The following ZNF423 variants were observed in gnomAD, a reference collection of about 807,000 sequenced individuals.
ZNF423 encodes the protein zinc finger protein 423, also known as Ebf-associated zinc finger protein.
ZNF423 carries 12 observed loss-of-function variants against 95.8 expected under a neutral mutation model. The observed-to-expected ratio is 0.13, with a 90% confidence interval of 0.08 to 0.20. The LOEUF (loss-of-function observed/expected upper bound fraction) is 0.20, where lower values mean the gene tolerates loss of function less well. ZNF423 is among the 10% of genes least tolerant of loss of function. The pLI, the probability that ZNF423 is intolerant of heterozygous loss-of-function variation, is 1.00. For missense variants in ZNF423, 1,316 were observed against 1,737.1 expected (o/e 0.76, Z 4.31); for synonymous variants, 749 against 711.9 (o/e 1.05, Z -0.83).
chr16:49,693,621 A>G (rs2031867548), intron 3 of ZNF423, among the ~76,000 whole-genome samples: 1 of 152,168 alleles, frequency 6.6e-6, no homozygotes, highest in African/African-American at 2.4e-5. Context: ...AGCCACAGTG[A>G]TTGGCTTAAG....
At chr16:49,705,193 T>C (rs8046573) in intron 3 of ZNF423, among the ~76,000 whole-genome samples, 7,747 of 152,200 alleles carry the variant, frequency 0.051, 646 homozygotes, top group African/African-American at 0.17. Flanking sequence ...GGAGAATTCA[T>C]TCATTCAACA....
At chr16:49,698,199 A>T (rs972377242) in intron 3 of ZNF423, among the ~76,000 whole-genome samples, 12 of 151,384 alleles carry the variant, frequency 7.9e-5, no homozygotes, top group African/African-American at 2.9e-4. Flanking sequence ...TGTTTGTAAC[A>T]TTTTTTTTTA....
chr16:49,615,583 G>C (rs1315415360), intron 5 of ZNF423, among the ~76,000 whole-genome samples: 3 of 152,182 alleles, frequency 2.0e-5, no homozygotes, highest in Non-Finnish European at 2.9e-5. Context: ...GCAGTCACAA[G>C]CTGGGAGGCC....
chr16:49,802,846 T>C (rs1228213445), intron 1 of ZNF423, among the ~76,000 whole-genome samples: 1 of 152,222 alleles, frequency 6.6e-6, no homozygotes, highest in African/African-American at 2.4e-5. Context: ...ATGAAGAAAG[T>C]AAAAGCACAA....
intron 1 of ZNF423, among the ~76,000 whole-genome samples, chr16:49,848,687 A>G (rs1426044164): frequency 2.0e-5 from 3 of 152,200 alleles, no homozygotes; most frequent in Non-Finnish European, 2.9e-5. Context: ...TTAATTTTCA[A>G]TTATTGGAGA....
chr16:49,727,666 C>T (rs1567314368), intron 3 of ZNF423, among the ~76,000 whole-genome samples: 1 of 152,194 alleles, frequency 6.6e-6, no homozygotes, highest in Non-Finnish European at 1.5e-5. Context: ...GAGGCACGTG[C>T]TGCCTCCACG....
rs1006015985 is a variant in ZNF423 at position 49,855,103 on chromosome 16, G to C, written c.40+632C>G. On this transcript the variant is annotated intron_variant, in intron 1 of 7. Transcript: ENST00000563137. This position sits in a 1 kb window ranked among gnomAD's most constrained non-coding sequence, Gnocchi z 4.7. ...GGCCTCGGTGGAGGAGGCAGGAAGTGCAGGGGCCCGGGCCGGGAGAAGGCC... is the reference window on the plus strand; with the variant it reads ...GGCCTCGGTGGAGGAGGCAGGAAGTCCAGGGGCCCGGGCCGGGAGAAGGCC... 7 of 949,364 alleles carry C rather than the reference G, an allele frequency of 7.4e-6. No individual in the cohort carries two copies. The highest frequency in any genetic ancestry group is 8.8e-6 in the Non-Finnish European group (7 of 797,820). The allele number at this position is 949,364 out of a possible 1,614,324, so 58.8% of individuals were successfully genotyped here. A position where few individuals can be genotyped will look rare whatever the true frequency, so the allele number is the denominator to read the frequency against.
upstream of ZNF423, among the ~76,000 whole-genome samples, chr16:49,858,720 C>CG (rs1313619696): frequency 8.2e-6 from 1 of 121,322 alleles, no homozygotes; most frequent in African/African-American, 3.0e-5. This position sits in a 1 kb window ranked among gnomAD's most constrained non-coding sequence, Gnocchi z 4.3. Context: ...AATAGGAGCC[C>CG]CCCCCCCCAC....
chr16:49,846,164 T>C (rs889182461), intron 1 of ZNF423, among the ~76,000 whole-genome samples: 2 of 152,042 alleles, frequency 1.3e-5, no homozygotes, highest in African/African-American at 2.4e-5. Context: ...TAGCCAGGCC[T>C]GGTGGCACAT....
At chr16:49,762,435 A>G (rs1350969802) in intron 2 of ZNF423, among the ~76,000 whole-genome samples, 1 of 152,206 alleles carries the variant, frequency 6.6e-6, no homozygotes, top group Non-Finnish European at 1.5e-5. Flanking sequence ...TTCGCAGGGC[A>G]CAAAGACCCC....
intron 3 of ZNF423, chr16:49,664,296 T>C (rs753517220): frequency 2.2e-4 from 215 of 985,582 alleles, no homozygotes; most frequent in Non-Finnish European, 2.5e-4. Context: ...GAGGGTGTGC[T>C]GCTCCCGCGG....
In ZNF423 at chr16:49,723,032, T is replaced by C. The variant is rs545905010; in HGVS notation, c.301+7739A>G. ...ATGCAGTGGTGTGATCTCGGCTCAC[T>C]GCAAGCTCCGCCTCCTGGGTTCATG... On this transcript the variant is annotated intron_variant, in intron 3 of 7. Transcript: ENST00000563137. Among the ~76,000 whole-genome samples the C allele has an allele frequency of 5.4e-5, 8 of 148,412 alleles. No individual in the cohort carries two copies. The South Asian group carries it at 1.7e-3, about 32-fold the overall frequency.
intron 1 of ZNF423, among the ~76,000 whole-genome samples, chr16:49,830,108 C>G (rs757846647): frequency 4.6e-5 from 7 of 152,274 alleles, no homozygotes; most frequent in Non-Finnish European, 1.0e-4. Context: ...AAGAGAGAGA[C>G]AGTAACAGCA....
intron 3 of ZNF423, among the ~76,000 whole-genome samples, chr16:49,680,593 C>T (rs889921190): frequency 6.6e-6 from 1 of 152,186 alleles, no homozygotes; most frequent in African/African-American, 2.4e-5. Flanking sequence ...TTCCGGACAC[C>T]ACTGCATTCC....
At chr16:49,531,420 G>A (rs1215943231) in intron 5 of ZNF423, among the ~76,000 whole-genome samples, 1 of 151,980 alleles carries the variant, frequency 6.6e-6, no homozygotes, top group Non-Finnish European at 1.5e-5. Flanking sequence ...TTGCCAGGAG[G>A]CAAGAGGGTG....
At chr16:49,796,394 C>T (rs1354916256) in intron 1 of ZNF423, among the ~76,000 whole-genome samples, 1 of 152,238 alleles carries the variant, frequency 6.6e-6, no homozygotes, top group Non-Finnish European at 1.5e-5. Context: ...GCCCTCCACC[C>T]AGAGGGCTCC....
At chr16:49,806,274 G>A (rs2034662286) in intron 1 of ZNF423, among the ~76,000 whole-genome samples, 1 of 152,232 alleles carries the variant, frequency 6.6e-6, no homozygotes. Context: ...CCAGATGAAA[G>A]TGGCAGCCTG....
At chr16:49,504,916 A>C (rs1967571328) in intron 7 of ZNF423, among the ~76,000 whole-genome samples, 1 of 152,214 alleles carries the variant, frequency 6.6e-6, no homozygotes, top group African/African-American at 2.4e-5. Context: ...CCTCACCTGC[A>C]GTCATAGGCC....
intron 1 of ZNF423, among the ~76,000 whole-genome samples, chr16:49,790,910 G>A (rs1353627948): frequency 1.3e-5 from 2 of 152,170 alleles, no homozygotes; most frequent in Admixed American, 6.5e-5. Flanking sequence ...ATAATGTCAG[G>A]GCTGTCATCT....
Sources: gnomAD v4.1 joint callset for allele counts (sites outside exome capture counted in the v4.1 genomes callset) on GRCh38, gnomAD v4.1.1 for gene constraint, Gnocchi (gnomAD v3.1) non-coding constraint, MANE v1.5 for transcripts, NCBI Gene and HGNC (gene_info 2026-07-23, HGNC 2026-07-21) for gene names.